SLC44A5: variants seen among roughly 807,000 people sequenced by gnomAD.
SLC44A5 encodes solute carrier family 44 member 5, also known as choline transporter-like protein 5.
SLC44A5 carries 57 observed loss-of-function variants against 101.8 expected under a neutral mutation model. That is an observed-to-expected ratio of 0.56 (90% CI 0.45 to 0.70). The LOEUF (loss-of-function observed/expected upper bound fraction) is 0.70. SLC44A5 is among the 30% of genes least tolerant of loss of function. The probability of loss-of-function intolerance (pLI) is 0.00; values close to 1 mark genes in which losing one functional copy is unlikely to be tolerated. For missense variants in SLC44A5, 737 were observed against 853.1 expected (o/e 0.86, Z 1.70); for synonymous variants, 281 against 290.9 (o/e 0.97, Z 0.35).
intron 2 of SLC44A5, among the ~76,000 whole-genome samples, chr1:75,537,033 A>AAAAAAAATATATAT (rs35829590): frequency 1.6e-3 from 69 of 42,950 alleles, no homozygotes; most frequent in African/African-American, 3.6e-3. Context: ...AAAAAAAAAA[A>AAAAAAAATATATAT]ATATATATCT....
chr1:75,466,744 T>TG (rs1666844492), intron 2 of SLC44A5, among the ~76,000 whole-genome samples: 1 of 151,316 alleles, frequency 6.6e-6, no homozygotes, highest in African/African-American at 2.4e-5. Context: ...TCATACTGAA[T>TG]GGGGAAAAAC....
intron 3 of SLC44A5, among the ~76,000 whole-genome samples, chr1:75,391,343 GA>G (rs957672460): frequency 2.6e-5 from 4 of 151,960 alleles, no homozygotes; most frequent in Non-Finnish European, 5.9e-5. Context: ...TGCAGAATTA[GA>G]AAAAACTAAT....
At chr1:75,672,786 G>A in the SLC44A5 span, among the ~76,000 whole-genome samples, 3 of 152,166 alleles carry the variant, frequency 2.0e-5, no homozygotes, top group African/African-American at 7.2e-5. Flanking sequence ...TAGGGCAACA[G>A]GCAGAGTCCT....
chr1:75,211,358 GT>G lies in SLC44A5; in HGVS notation c.2047+109del, dbSNP rs1201681765. 3 of 711,088 alleles carry G rather than the reference GT, an allele frequency of 4.2e-6. No homozygotes were observed. In the African/African-American group the frequency reaches 5.5e-5, roughly 13 times the overall value. The allele number at this position is 711,088 out of a possible 1,614,324, so 44.0% of individuals were successfully genotyped here. A position where few individuals can be genotyped will look rare whatever the true frequency, so the allele number is the denominator to read the frequency against. ...TCTTTCCAGATAAACACGTTTTGTG[GT>G]TGCAGCCAGGTAACAGCAGATCCCC... On this transcript the variant is annotated intron_variant, in intron 23 of 23. Transcript: ENST00000370859.
intron 2 of SLC44A5, among the ~76,000 whole-genome samples, chr1:75,461,404 G>A (rs577551457): frequency 6.6e-6 from 1 of 152,052 alleles, no homozygotes; most frequent in African/African-American, 2.4e-5. Context: ...AAAATCCAAA[G>A]AGGTAAATAA....
At chr1:75,696,641 A>C in the SLC44A5 span, among the ~76,000 whole-genome samples, 1 of 152,182 alleles carries the variant, frequency 6.6e-6, no homozygotes, top group African/African-American at 2.4e-5. Context: ...CACGCCTGTA[A>C]TCCCAGCACT....
intron 2 of SLC44A5, among the ~76,000 whole-genome samples, chr1:75,477,298 C>T (rs1010689606): frequency 1.1e-4 from 16 of 152,106 alleles, no homozygotes; most frequent in South Asian, 4.2e-4. Flanking sequence ...ACCACAAAGA[C>T]GGGGGAAAAA....
intron 1 of SLC44A5, among the ~76,000 whole-genome samples, chr1:75,577,024 A>G (rs1287089481): frequency 1.3e-5 from 2 of 152,130 alleles, no homozygotes; most frequent in African/African-American, 4.8e-5. Flanking sequence ...TGTCTTCCCA[A>G]TGCTTTTCCC....
chr1:75,444,329 G>C (rs941179373), intron 2 of SLC44A5, among the ~76,000 whole-genome samples: 1 of 95,274 alleles, frequency 1.0e-5, no homozygotes, highest in African/African-American at 4.0e-5. Flanking sequence ...AAAAAAAAAA[G>C]AAAGAAAGAA....
chr1:75,694,786 A>T, the SLC44A5 span, among the ~76,000 whole-genome samples: 34 of 152,262 alleles, frequency 2.2e-4, no homozygotes, highest in Middle Eastern at 3.4e-3. Flanking sequence ...TCATTGGGAA[A>T]CTACCAATTT....
At chr1:75,216,093 A>C (rs1646956718) in intron 18 of SLC44A5, among the ~76,000 whole-genome samples, 1 of 152,098 alleles carries the variant, frequency 6.6e-6, no homozygotes, top group Non-Finnish European at 1.5e-5. Flanking sequence ...CTCAAACACA[A>C]ATTCTATGCC....
At chr1:75,329,420 A>G (rs1402698901) in intron 4 of SLC44A5, among the ~76,000 whole-genome samples, 1 of 151,304 alleles carries the variant, frequency 6.6e-6, no homozygotes, top group Non-Finnish European at 1.5e-5. Context: ...GTCTAACTCA[A>G]TGATACCTCC....
chr1:75,302,519 G>C (rs900927755), intron 4 of SLC44A5, among the ~76,000 whole-genome samples: 1 of 151,994 alleles, frequency 6.6e-6, no homozygotes, highest in Non-Finnish European at 1.5e-5. Context: ...CCCCTTATTC[G>C]CAAGGGAGGC....
At chr1:75,385,600 T>G (rs552231473) in intron 3 of SLC44A5, among the ~76,000 whole-genome samples, 59 of 152,282 alleles carry the variant, frequency 3.9e-4, no homozygotes, top group African/African-American at 1.3e-3. Flanking sequence ...CAGGACCAGA[T>G]GGATTCACAG....
At chr1:75,470,541 G>A (rs957188569) in intron 2 of SLC44A5, among the ~76,000 whole-genome samples, 4 of 152,122 alleles carry the variant, frequency 2.6e-5, no homozygotes, top group African/African-American at 9.7e-5. Context: ...TACCAAGATA[G>A]GGAAGGTATA....
the SLC44A5 span, among the ~76,000 whole-genome samples, chr1:75,642,961 T>A: frequency 1.3e-5 from 2 of 152,308 alleles, no homozygotes; most frequent in Non-Finnish European, 2.9e-5. Flanking sequence ...TAATTTGGCT[T>A]TAAAAATAGC....
chr1:75,496,610 C>CAA (rs113836655), intron 2 of SLC44A5, among the ~76,000 whole-genome samples: 2,263 of 129,592 alleles, frequency 0.017, 60 homozygotes, highest in African/African-American at 0.059. Flanking sequence ...ACAACAACAA[C>CAA]AAAAAAAAAA....
intron 2 of SLC44A5, among the ~76,000 whole-genome samples, chr1:75,472,068 A>G (rs1048480570): frequency 8.0e-6 from 1 of 125,084 alleles, no homozygotes; most frequent in Admixed American, 9.3e-5. Context: ...TAGGCAGAGC[A>G]TATCCCCCTG....
chr1:75,631,375 A>T, the SLC44A5 span, among the ~76,000 whole-genome samples: 4 of 151,846 alleles, frequency 2.6e-5, no homozygotes, highest in African/African-American at 9.7e-5. Flanking sequence ...CAGAGACAAT[A>T]TCACTCCTTT....
Sources: allele counts gnomAD v4.1 joint callset (sites outside exome capture counted in the v4.1 genomes callset), GRCh38; gene constraint gnomAD v4.1.1; transcripts MANE v1.5; gene names NCBI Gene and HGNC (gene_info 2026-07-23, HGNC 2026-07-21).